The following CCDC61 variants were observed in gnomAD, a reference collection of about 807,000 sequenced individuals.
CCDC61 encodes the protein coiled-coil domain containing 61.
CCDC61 carries 55 observed loss-of-function variants against 63.0 expected under a neutral mutation model. The ratio of observed to expected loss-of-function variants is 0.87; its 90% CI spans 0.70 to 1.09. The LOEUF (loss-of-function observed/expected upper bound fraction) is 1.09, where lower values mean the gene tolerates loss of function less well. CCDC61 is among the 50% of genes least tolerant of loss of function. CCDC61 has a pLI of 0.00. For synonymous variants in CCDC61, 270 were observed against 317.0 expected, an observed-to-expected ratio of 0.85 and a Z score of 1.58; for missense variants, 651 against 731.4, an observed-to-expected ratio of 0.89 and a Z score of 1.27.
At chr19:45,997,570 T>G (rs141586150) in intron 1 of CCDC61, among the ~76,000 whole-genome samples, 1 of 152,024 alleles carries the variant, frequency 6.6e-6, no homozygotes, top group African/African-American at 2.4e-5. Flanking sequence ...TTTACATTTT[T>G]AGTAGAGACG....
chr19:46,016,889 C>G lies in CCDC61; in HGVS notation c.1231+56C>G, dbSNP rs929038487. 130 of 279,662 alleles carry G rather than the reference C, an allele frequency of 4.6e-4. No individual in the cohort carries two copies. Among genetic ancestry groups the G allele is most frequent in the Non-Finnish European group, 8.5e-4 (127 of 149,640 alleles). 17.3% of individuals were successfully genotyped at this position (279,662 alleles called of 1,614,324 possible). On this transcript the variant is annotated intron_variant, in intron 10 of 13. Coordinates refer to ENST00000595358, the MANE Select transcript of CCDC61 (RefSeq NM_001267723.2). This position sits in a 1 kb window ranked among gnomAD's most constrained non-coding sequence, Gnocchi z 7.2. ...CTAGGCGGGACTGGGCGGGGCTGGGCGGGCTGGGAGGCACTGGGCAGGGCG... is the reference window on the plus strand; with the variant it reads ...CTAGGCGGGACTGGGCGGGGCTGGGGGGGCTGGGAGGCACTGGGCAGGGCG...
chr19:46,016,670 G>A lies in CCDC61; in HGVS notation c.1092-24G>A, dbSNP rs1468003736. 6.2e-7 allele frequency: 1 copy of A among 1,611,028 alleles called. No individual in the cohort carries two copies. The highest frequency in any genetic ancestry group is 8.5e-7 in the Non-Finnish European group (1 of 1,178,954). On this transcript the variant is annotated intron_variant, in intron 9 of 13. Transcript: ENST00000595358. This position sits in a 1 kb window ranked among gnomAD's most constrained non-coding sequence, Gnocchi z 7.2. ...CCTGCAGGAGTTGGGCGTACAGACCGGCGTCTCCTTTCTTTTTTCCCAGGC... is the reference window on the plus strand; with the variant it reads ...CCTGCAGGAGTTGGGCGTACAGACCAGCGTCTCCTTTCTTTTTTCCCAGGC...
intron 5 of CCDC61, among the ~76,000 whole-genome samples, chr19:46,014,397 C>T (rs1600653018): frequency 1.3e-5 from 2 of 152,204 alleles, no homozygotes; most frequent in African/African-American, 2.4e-5. Context: ...ATACTGTCTG[C>T]ACCGCACTGT....
intron 1 of CCDC61, among the ~76,000 whole-genome samples, chr19:45,995,940 T>C (rs1968484223): frequency 6.6e-6 from 1 of 152,166 alleles, no homozygotes; most frequent in Non-Finnish European, 1.5e-5. Flanking sequence ...GCATGTACTT[T>C]AAAGAGATGT....
In CCDC61 at chr19:46,018,117, C is replaced by T; in HGVS notation, c.1408C>T (p.Leu470=). 1 of 1,610,736 alleles carries T rather than the reference C, an allele frequency of 6.2e-7. No homozygotes were observed. The highest frequency in any genetic ancestry group is 8.5e-7 in the Non-Finnish European group (1 of 1,178,630). The change falls in exon 13 of 14, where the codon CTG becomes TTG. Residue 470 remains leucine, a synonymous_variant. Coordinates refer to ENST00000595358, the MANE Select transcript of CCDC61 (RefSeq NM_001267723.2). This position sits in a 1 kb window ranked among gnomAD's most constrained non-coding sequence, Gnocchi z 4.2. ...PVERSHHQKS[L]ANSGGWVPIK... ...GGAACGCAGCCACCATCAGAAATCT[C>T]TGGCCAACTCCGGGGGCTGGGTCCC...
At chr19:46,010,235 A>G (rs1968802985) in intron 5 of CCDC61, among the ~76,000 whole-genome samples, 1 of 152,226 alleles carries the variant, frequency 6.6e-6, no homozygotes, top group South Asian at 2.1e-4. Context: ...AGAGATGTGA[A>G]GTGAAACTGC....
At chr19:46,007,345 C>T (rs964576712) in intron 4 of CCDC61, among the ~76,000 whole-genome samples, 7 of 152,168 alleles carry the variant, frequency 4.6e-5, no homozygotes, top group East Asian at 1.9e-4. Flanking sequence ...CCACCACGCC[C>T]GGCTTGGCCT....
rs767971669 is a variant in CCDC61, at chr19:46,006,573, C to T, written c.246C>T (p.Val82=). The T allele has an allele frequency of 1.3e-6, 2 of 1,587,856 alleles. No homozygotes were observed. Among genetic ancestry groups the T allele is most frequent in the Non-Finnish European group, 1.7e-6 (2 of 1,163,778 alleles). ...TCTCCTGACAGAGTAGTGAGTCAGTCACCCTGGACCTGCTGACCTACACAG... is the reference window on the plus strand; with the variant it reads ...TCTCCTGACAGAGTAGTGAGTCAGTTACCCTGGACCTGCTGACCTACACAG... ...ESALTQSSES[V]TLDLLTYTDL... Residue 82 remains valine, a synonymous_variant, in exon 4 of 14, where the codon GTC becomes GTT. Coordinates refer to ENST00000595358, the MANE Select transcript of CCDC61 (RefSeq NM_001267723.2).
intron 11 of CCDC61, 50 bp from the exon 12 acceptor site, chr19:46,017,197 A>T: frequency 6.5e-7 from 1 of 1,537,736 alleles, no homozygotes; most frequent in Non-Finnish European, 8.8e-7. Flanking sequence ...GGGAGGTGGG[A>T]AGTACCAGAG....
chr19:46,009,820 G>GTGTGTGTGTGTGTGTC (rs1968791177), intron 5 of CCDC61, among the ~76,000 whole-genome samples: 1 of 150,056 alleles, frequency 6.7e-6, no homozygotes, highest in Non-Finnish European at 1.5e-5. Flanking sequence ...GTGTGTATGT[G>GTGTGTGTGTGTGTGTC]TGTGTGTGTG....
intron 2 of CCDC61, 28 bp from the exon 3 acceptor site, chr19:46,003,391 C>T: frequency 1.2e-6 from 2 of 1,605,528 alleles, no homozygotes; most frequent in Non-Finnish European, 1.7e-6. Context: ...GCGGTCAGAC[C>T]TCAGGAGAGA....
At chr19:46,012,672 C>G (rs1438925483) in intron 5 of CCDC61, among the ~76,000 whole-genome samples, 1 of 149,578 alleles carries the variant, frequency 6.7e-6, no homozygotes. Context: ...AGAAAAAAAT[C>G]AAAAGTAGTC....
At chr19:46,002,138 G>A (rs1968602357) in intron 1 of CCDC61, among the ~76,000 whole-genome samples, 1 of 151,766 alleles carries the variant, frequency 6.6e-6, no homozygotes, top group African/African-American at 2.4e-5. Context: ...TAGAGATGGG[G>A]TTTCACCATT....
intron 12 of CCDC61, 88 bp from the exon 13 acceptor site, chr19:46,017,990 C>T: frequency 6.5e-6 from 8 of 1,223,888 alleles, no homozygotes; most frequent in Non-Finnish European, 9.1e-6. Context: ...TCCCCAAGGT[C>T]CTTAGGCTCA....
In CCDC61 at chr19:46,017,394, T is replaced by C. The variant is rs546086100; in HGVS notation, c.1368+90T>C. On this transcript the variant is annotated intron_variant, in intron 12 of 13. Transcript: ENST00000595358. ...TGGGGATCAGGTGCAGAGGCGACTC[T>C]GAATGCCTTTGGCAATAGGGCTTTT... The C allele has an allele frequency of 4.0e-5, 49 of 1,234,154 alleles. No homozygotes were observed. The African/African-American group carries it at 7.0e-4, about 18-fold the overall frequency. 76.5% of individuals were successfully genotyped at this position (1,234,154 alleles called of 1,614,324 possible).
At chr19:46,009,333 G>C (rs1968778817) in intron 5 of CCDC61, among the ~76,000 whole-genome samples, 1 of 152,082 alleles carries the variant, frequency 6.6e-6, no homozygotes, top group Non-Finnish European at 1.5e-5. Flanking sequence ...ACCGGGAAGA[G>C]GCCTGGCTCG....
chr19:46,007,908 C>T (rs1968743133), intron 4 of CCDC61, among the ~76,000 whole-genome samples: 1 of 152,196 alleles, frequency 6.6e-6, no homozygotes, highest in Non-Finnish European at 1.5e-5. Context: ...TACACCAGGG[C>T]TGCCAATCCC....
rs773158326 is a variant in CCDC61 at position 46,015,092 on chromosome 19, C to T, written c.595C>T (p.Leu199=). 7.2e-7 allele frequency: 1 copy of T among 1,392,496 alleles called. No individual in the cohort carries two copies. Among genetic ancestry groups the T allele is most frequent in the South Asian group, 1.5e-5 (1 of 65,128 alleles). The allele number at this position is 1,392,496 out of a possible 1,614,324, so 86.3% of individuals were successfully genotyped here. A position where few individuals can be genotyped will look rare whatever the true frequency, so the allele number is the denominator to read the frequency against. ...ASEKRELEAQ[L]GRSREEALAG... ...CGAGAAGCGGGAGCTGGAGGCGCAG[C>T]TGGGCCGATCGCGCGAGGAGGCGCT... Residue 199 remains leucine, a synonymous_variant, in exon 6 of 14, where the codon CTG becomes TTG. Coordinates refer to ENST00000595358, the MANE Select transcript of CCDC61 (RefSeq NM_001267723.2). This position sits in a 1 kb window ranked among gnomAD's most constrained non-coding sequence, Gnocchi z 5.3.
At chr19:46,008,898 G>A (rs1385264360) in intron 5 of CCDC61, among the ~76,000 whole-genome samples, 3 of 152,198 alleles carry the variant, frequency 2.0e-5, no homozygotes, top group Non-Finnish European at 2.9e-5. Flanking sequence ...GGCAAAGGGA[G>A]CAGCATGTGC....
Sources: gnomAD v4.1 joint callset for allele counts (sites outside exome capture counted in the v4.1 genomes callset) on GRCh38, gnomAD v4.1.1 for gene constraint, Gnocchi (gnomAD v3.1) non-coding constraint, MANE v1.5 for transcripts, NCBI Gene and HGNC (gene_info 2026-07-23, HGNC 2026-07-21) for gene names.